The following NPR3 variants were observed in gnomAD, a reference collection of about 807,000 sequenced individuals.
The protein encoded by NPR3 is natriuretic peptide receptor 3.
Under a neutral mutation model 54.5 loss-of-function variants are expected in NPR3, and 34 were observed. The ratio of observed to expected loss-of-function variants is 0.62; its 90% confidence interval spans 0.47 to 0.83. The LOEUF is 0.83. Among genes scored for constraint, NPR3 ranks in the 40% least tolerant of loss-of-function variants. The pLI is 0.00. For synonymous variants in NPR3, 289 were observed against 297.1 expected, an observed-to-expected ratio of 0.97 and a Z score of 0.28; for missense variants, 674 against 720.8, an observed-to-expected ratio of 0.94 and a Z score of 0.74.
chr5:32,724,756 G>A lies in NPR3; in HGVS notation c.828G>A (p.Arg276=). The A allele has an allele frequency of 1.2e-6, 2 of 1,613,894 alleles. No individual in the cohort carries two copies. The highest frequency in any genetic ancestry group is 1.7e-6 in the Non-Finnish European group (2 of 1,179,856). The stretch of plus-strand genomic sequence containing the variant: ...GGAGCATCATGCTGGTGGCGCACAG[G>A]CATGGCATGACCAGTGGAGACTACG... ...TIRSIMLVAH[R]HGMTSGDYAF... is the part of the protein sequence containing the mutation. The change falls in exon 2 of 8, where the codon AGG becomes AGA. Residue 276 remains arginine (R), a synonymous_variant. Transcript: ENST00000265074.
chr5:32,714,328 G>A (rs1034196363), intron 1 of NPR3, among the ~76,000 whole-genome samples: 1 of 151,532 alleles, frequency 6.6e-6, no homozygotes, highest in Admixed American at 6.6e-5. Flanking sequence ...GGCAGATCGC[G>A]GCCCCGGGGC....
intron 1 of NPR3, among the ~76,000 whole-genome samples, chr5:32,700,072 G>A (rs1740629413): frequency 6.6e-6 from 1 of 152,116 alleles, no homozygotes; most frequent in South Asian, 2.1e-4. Context: ...CAGATATATT[G>A]GAGCTCCATT....
At chr5:32,710,849 C>A, upstream of NPR3, 1 of 1,215,724 alleles carries the variant, frequency 8.2e-7, no homozygotes, top group South Asian at 1.6e-5. Context: ...ATCCCTTTCC[C>A]CCAGTCCTGG....
At chr5:32,777,298 A>G (rs920429195) in intron 4 of NPR3, among the ~76,000 whole-genome samples, 1 of 152,336 alleles carries the variant, frequency 6.6e-6, no homozygotes. Flanking sequence ...AACCGGTAAC[A>G]TAAGGTACAA....
intron 3 of NPR3, among the ~76,000 whole-genome samples, chr5:32,767,380 C>A (rs1741529384): frequency 6.6e-6 from 1 of 152,194 alleles, no homozygotes; most frequent in South Asian, 2.1e-4. Context: ...CAGTACCCAT[C>A]TATGAATGTT....
chr5:32,728,077 G>A (rs1313119122), intron 2 of NPR3, among the ~76,000 whole-genome samples: 1 of 152,162 alleles, frequency 6.6e-6, no homozygotes, highest in African/African-American at 2.4e-5. Flanking sequence ...AGTGTACTTT[G>A]TCATGATGAT....
rs554124123 is a variant in NPR3, at chr5:32,735,675, C to T, written c.893-3189C>T. On this transcript the variant is annotated intron_variant, in intron 2 of 7. Transcript: ENST00000265074. Reference sequence around the variant, plus strand: ...CAAGGCTGATTCTCATCATATCACTCTTCTGTTCTGCTCATAAATCTCTAG... The same window carrying T: ...CAAGGCTGATTCTCATCATATCACTTTTCTGTTCTGCTCATAAATCTCTAG... Among the ~76,000 whole-genome samples the T allele has an allele frequency of 2.9e-4, 44 of 152,276 alleles. 1 individual carries two copies. In the South Asian group the frequency reaches 9.1e-3, roughly 32 times the overall value.
At chr5:32,745,183 C>G (rs1740231711) in intron 3 of NPR3, among the ~76,000 whole-genome samples, 1 of 152,064 alleles carries the variant, frequency 6.6e-6, no homozygotes, top group Non-Finnish European at 1.5e-5. Context: ...TTCAATTATA[C>G]CATGGGAAAT....
intron 3 of NPR3, among the ~76,000 whole-genome samples, chr5:32,761,104 C>T (rs1296845492): frequency 6.6e-6 from 1 of 151,922 alleles, no homozygotes; most frequent in Non-Finnish European, 1.5e-5. Context: ...AATGTGAGCC[C>T]CCTAATTTGT....
upstream of NPR3, chr5:32,709,441 A>C (rs1175345395): frequency 1.3e-5 from 2 of 151,010 alleles, no homozygotes; most frequent in Non-Finnish European, 2.9e-5. Flanking sequence ...TGCTGCCATA[A>C]ACGCCTGCCC....
At chr5:32,757,196 G>A (rs1740893393) in intron 3 of NPR3, among the ~76,000 whole-genome samples, 2 of 152,220 alleles carry the variant, frequency 1.3e-5, no homozygotes. Flanking sequence ...ACCTTGGGCA[G>A]TGTGGCCATT....
At chr5:32,738,675 G>A (rs1739879389) in intron 2 of NPR3, among the ~76,000 whole-genome samples, 189 bp from the exon 3 acceptor site, 1 of 152,144 alleles carries the variant, frequency 6.6e-6, no homozygotes, top group African/African-American at 2.4e-5. Flanking sequence ...AGGAACACAT[G>A]TCCAAAGGGC....
At chr5:32,772,720 C>G (rs1741833661) in intron 3 of NPR3, among the ~76,000 whole-genome samples, 1 of 152,174 alleles carries the variant, frequency 6.6e-6, no homozygotes, top group East Asian at 1.9e-4. Context: ...ATTACAGCAA[C>G]AAAAGCTAAC....
At chr5:32,767,576 T>C (rs886782654) in intron 3 of NPR3, among the ~76,000 whole-genome samples, 4 of 152,210 alleles carry the variant, frequency 2.6e-5, no homozygotes, top group Non-Finnish European at 5.9e-5. Flanking sequence ...TCATTAACAT[T>C]TCAAGGAAGG....
intron 1 of NPR3, among the ~76,000 whole-genome samples, chr5:32,698,096 T>C (rs976343227): frequency 1.3e-5 from 2 of 152,086 alleles, no homozygotes; most frequent in African/African-American, 4.8e-5. Flanking sequence ...AATTGAAGTT[T>C]TTCTACTTTT....
intron 4 of NPR3, among the ~76,000 whole-genome samples, chr5:32,776,153 AG>A (rs775562301): frequency 1.3e-5 from 2 of 152,192 alleles, no homozygotes; most frequent in Non-Finnish European, 2.9e-5. Flanking sequence ...TTTGTATGAA[AG>A]GGGTGATAGT....
At chr5:32,707,069 G>A (rs752296850), upstream of NPR3, among the ~76,000 whole-genome samples, 6 of 152,068 alleles carry the variant, frequency 3.9e-5, no homozygotes, top group Non-Finnish European at 5.9e-5. Context: ...CATATAGCTT[G>A]CAAATCTTAT....
At chr5:32,737,204 G>A (rs73758308) in intron 2 of NPR3, among the ~76,000 whole-genome samples, 8,149 of 152,188 alleles carry the variant, frequency 0.054, 328 homozygotes, top group African/African-American at 0.12. Context: ...AGAGCTCATT[G>A]CATCTTCCTC....
rs1213383262 is a variant in NPR3 at position 32,786,613 on chromosome 5, AT to A, written c.*271del. The A allele has an allele frequency of 2.7e-6, 1 of 366,152 alleles. No individual in the cohort carries two copies. Among genetic ancestry groups the A allele is most frequent in the African/African-American group, 2.2e-5 (1 of 46,444 alleles). 22.7% of individuals were successfully genotyped at this position (366,152 alleles called of 1,614,324 possible). A position where few individuals can be genotyped will look rare whatever the true frequency, so the allele number is the denominator to read the frequency against. ...TACTGTTTCAAGCCCATATGATTAG[AT>A]TTATGTTTTTAAAATCTGTTGTCTC... On this transcript the variant is annotated 3_prime_UTR_variant, in exon 8 of 8. Transcript: ENST00000265074.
Sources: gnomAD v4.1 joint callset for allele counts (sites outside exome capture counted in the v4.1 genomes callset) on GRCh38, gnomAD v4.1.1 for gene constraint, MANE v1.5 for transcripts, NCBI Gene and HGNC (gene_info 2026-07-23, HGNC 2026-07-21) for gene names.